XKR4: variants seen among roughly 807,000 people sequenced by gnomAD.
XKR4 encodes the protein XK related 4.
A neutral mutation model predicts 53.9 loss-of-function variants in XKR4; 12 were observed. The observed-to-expected ratio is 0.22, with a 90% CI of 0.14 to 0.36. The LOEUF is 0.36. XKR4 is among the 10% of genes least tolerant of loss of function. The probability of loss-of-function intolerance (pLI) is 1.00; values close to 1 mark genes in which losing one functional copy is unlikely to be tolerated. For synonymous variants in XKR4, 354 were observed against 362.4 expected (o/e 0.98, Z 0.26); for missense variants, 799 against 859.5 (o/e 0.93, Z 0.88).
rs1807002708 is a variant in XKR4, at chr8:55,534,558, G to A, written c.*10331G>A. The A allele has an allele frequency of 6.6e-6, 1 of 150,988 alleles. No individual in the cohort carries two copies. Among genetic ancestry groups the A allele is most frequent in the South Asian group, 2.1e-4 (1 of 4,754 alleles). The allele number at this position is 150,988 out of a possible 1,614,324, so 9.4% of individuals were successfully genotyped here. On this transcript the variant is annotated 3_prime_UTR_variant, in exon 3 of 3. Transcript: ENST00000327381. Reference sequence around the variant, plus strand: ...CCGGCTAATTTTTTTGTATTTTTTAGTAGAGATGGGGTTTCACCGTGTTAG... The same window carrying A: ...CCGGCTAATTTTTTTGTATTTTTTAATAGAGATGGGGTTTCACCGTGTTAG...
At chr8:55,241,220 T>C (rs1164371896) in intron 1 of XKR4, among the ~76,000 whole-genome samples, 1 of 152,230 alleles carries the variant, frequency 6.6e-6, no homozygotes, top group Non-Finnish European at 1.5e-5. Flanking sequence ...CAGTCATTTA[T>C]TCTTTCAACA....
chr8:55,372,112 G>A (rs1245940933), intron 2 of XKR4, among the ~76,000 whole-genome samples: 2 of 152,176 alleles, frequency 1.3e-5, no homozygotes, highest in Admixed American at 1.3e-4. Flanking sequence ...CTATGGCTAT[G>A]GGAAGAGGAG....
chr8:55,516,062 C>T (rs778030075), intron 2 of XKR4, among the ~76,000 whole-genome samples: 1 of 152,124 alleles, frequency 6.6e-6, no homozygotes, highest in Non-Finnish European at 1.5e-5. Context: ...TTCTGTTTGC[C>T]TGTTTGCAAA....
intron 1 of XKR4, among the ~76,000 whole-genome samples, chr8:55,256,067 A>G (rs1250531274): frequency 6.6e-6 from 1 of 151,660 alleles, no homozygotes; most frequent in Non-Finnish European, 1.5e-5. Context: ...GGCAGAGTTA[A>G]AAGGATTAAT....
chr8:55,153,848 G>C (rs1816870902), intron 1 of XKR4, among the ~76,000 whole-genome samples: 1 of 152,192 alleles, frequency 6.6e-6, no homozygotes, highest in Non-Finnish European at 1.5e-5. Context: ...TTGGAAAAAA[G>C]AAAGCAAGAC....
At chr8:55,185,525 C>G (rs1817363913) in intron 1 of XKR4, among the ~76,000 whole-genome samples, 1 of 152,148 alleles carries the variant, frequency 6.6e-6, no homozygotes, top group Non-Finnish European at 1.5e-5. Context: ...AAAAGGCCTT[C>G]TTGCTAGCAT....
chr8:55,183,821 G>A (rs1585924), intron 1 of XKR4, among the ~76,000 whole-genome samples: 128,213 of 152,158 alleles, frequency 0.84, 54,482 homozygotes, highest in African/African-American at 0.95. Flanking sequence ...TTAATTACTG[G>A]GAGAGGAGTG....
chr8:55,336,641 AT>A, intron 1 of XKR4, among the ~76,000 whole-genome samples: 1 of 152,274 alleles, frequency 6.6e-6, no homozygotes, highest in Non-Finnish European at 1.5e-5. Context: ...AAATGAAACG[AT>A]TTTTTAAAGA....
intron 1 of XKR4, among the ~76,000 whole-genome samples, chr8:55,171,311 T>C (rs569038800): frequency 6.2e-4 from 94 of 152,336 alleles, no homozygotes; most frequent in African/African-American, 2.1e-3. Flanking sequence ...TTACAGCGTC[T>C]GGTGGGAGAC....
chr8:55,486,656 G>C (rs1806195327), intron 2 of XKR4, among the ~76,000 whole-genome samples: 1 of 152,182 alleles, frequency 6.6e-6, no homozygotes, highest in Non-Finnish European at 1.5e-5. Flanking sequence ...CTTGATCTTT[G>C]AAACACTCAC....
intron 1 of XKR4, among the ~76,000 whole-genome samples, chr8:55,264,835 T>G (rs1238132026): frequency 6.6e-6 from 1 of 152,190 alleles, no homozygotes; most frequent in Non-Finnish European, 1.5e-5. Context: ...TGTATATTCC[T>G]ATATATAACA....
chr8:55,388,312 T>C (rs1362569800), intron 2 of XKR4, among the ~76,000 whole-genome samples: 6 of 152,230 alleles, frequency 3.9e-5, no homozygotes, highest in Non-Finnish European at 8.8e-5. Flanking sequence ...CATAATGACA[T>C]ATTCTCAAAA....
At chr8:55,267,584 A>T (rs1456773072) in intron 1 of XKR4, among the ~76,000 whole-genome samples, 1 of 151,726 alleles carries the variant, frequency 6.6e-6, no homozygotes, top group African/African-American at 2.4e-5. Context: ...TAAGTACAGC[A>T]TAAGGAAGAG....
chr8:55,431,437 T>C (rs538227016), intron 2 of XKR4, among the ~76,000 whole-genome samples: 86 of 152,232 alleles, frequency 5.6e-4, no homozygotes, highest in Non-Finnish European at 8.4e-4. Flanking sequence ...TATTTAATAA[T>C]ATCAGTAACT....
chr8:55,448,403 G>C (rs7826775), intron 2 of XKR4, among the ~76,000 whole-genome samples: 1 of 152,172 alleles, frequency 6.6e-6, no homozygotes, highest in African/African-American at 2.4e-5. Flanking sequence ...TTTACAAGTC[G>C]CTGATTGAAG....
chr8:55,319,877 T>C (rs1039391557), intron 1 of XKR4, among the ~76,000 whole-genome samples: 3 of 152,194 alleles, frequency 2.0e-5, no homozygotes, highest in African/African-American at 7.2e-5. Flanking sequence ...GTGCATCTGA[T>C]TGCAGGATCC....
At chr8:55,172,210 C>CA (rs35747779) in intron 1 of XKR4, among the ~76,000 whole-genome samples, 7,760 of 137,232 alleles carry the variant, frequency 0.057, 643 homozygotes, top group African/African-American at 0.18. Flanking sequence ...GACTCTCTCT[C>CA]AAAAAAAAAA....
intron 1 of XKR4, among the ~76,000 whole-genome samples, chr8:55,126,545 G>A (rs538407549): frequency 1.8e-4 from 28 of 152,298 alleles, no homozygotes; most frequent in African/African-American, 3.4e-4. Flanking sequence ...AATTTAGAAG[G>A]CAAAATTGTG....
At chr8:55,166,876 A>G (rs1264130560) in intron 1 of XKR4, among the ~76,000 whole-genome samples, 1 of 152,196 alleles carries the variant, frequency 6.6e-6, no homozygotes, top group East Asian at 1.9e-4. Flanking sequence ...TTTGAATGAT[A>G]TATGAAGCCA....
Sources: gnomAD v4.1 joint callset for allele counts (sites outside exome capture counted in the v4.1 genomes callset) on GRCh38, gnomAD v4.1.1 for gene constraint, MANE v1.5 for transcripts, NCBI Gene and HGNC (gene_info 2026-07-23, HGNC 2026-07-21) for gene names.